Variants in CDYL observed in about 807,000 individuals in gnomAD.
CDYL encodes the protein chromodomain Y-like protein.
In CDYL, 8 loss-of-function variants were observed where a neutral mutation model predicts 47.3. The ratio of observed to expected loss-of-function variants is 0.17; its 90% CI spans 0.10 to 0.31. The LOEUF is 0.31. CDYL is among the 10% of genes least tolerant of loss of function. The pLI is 1.00. For missense variants in CDYL, 471 were observed against 701.4 expected, an observed-to-expected ratio of 0.67 and a Z score of 3.71; for synonymous variants, 266 against 265.0, an observed-to-expected ratio of 1.00 and a Z score of -0.04.
rs539642907 is a variant in CDYL, at chr6:4,865,565, G to A, written c.25-26148G>A. 2.8e-3 allele frequency among the ~76,000 whole-genome samples: 431 copies of A among 152,292 alleles called. 1 individual carries two copies. Among genetic ancestry groups the A allele is most frequent in the African/African-American group, 9.8e-3 (406 of 41,554 alleles). On this transcript the variant is annotated intron_variant, in intron 1 of 6. Coordinates refer to ENST00000397588, the MANE Select transcript of CDYL (RefSeq NM_004824.4). ...CAAGTAACAAGCATTTGTTTCTAAC[G>A]AAGAGTATAGAATGAAATGGTCAAA...
intron 5 of CDYL, among the ~76,000 whole-genome samples, chr6:4,946,840 C>T (rs1383814012): frequency 6.6e-6 from 1 of 152,196 alleles, no homozygotes; most frequent in Non-Finnish European, 1.5e-5. Context: ...CCCTCTGGCA[C>T]TGACCACAGG....
chr6:4,800,332 C>A (rs1027510818), intron 1 of CDYL, among the ~76,000 whole-genome samples: 2 of 152,080 alleles, frequency 1.3e-5, no homozygotes, highest in African/African-American at 4.8e-5. Context: ...AATATTGAAT[C>A]ACTTTGGATA....
chr6:4,918,460 G>A (rs956573418), intron 2 of CDYL, among the ~76,000 whole-genome samples: 7 of 151,758 alleles, frequency 4.6e-5, no homozygotes, highest in African/African-American at 1.7e-4. Flanking sequence ...ATTTTCAAAG[G>A]CTTTAAAAAG....
At chr6:4,827,342 A>G (rs1324276050) in intron 1 of CDYL, among the ~76,000 whole-genome samples, 2 of 152,074 alleles carry the variant, frequency 1.3e-5, no homozygotes, top group Non-Finnish European at 2.9e-5. Context: ...TCTGCCTTAT[A>G]CTTTTGTTCC....
At chr6:4,844,821 A>G (rs1302081229) in intron 1 of CDYL, among the ~76,000 whole-genome samples, 1 of 152,162 alleles carries the variant, frequency 6.6e-6, no homozygotes, top group African/African-American at 2.4e-5. Context: ...TTTTTTAATG[A>G]GATGTGAAGT....
intron 2 of CDYL, among the ~76,000 whole-genome samples, chr6:4,923,534 A>AGTGCAGATGCCTCTTTGAC (rs1186772487): frequency 6.6e-6 from 1 of 152,128 alleles, no homozygotes; most frequent in Non-Finnish European, 1.5e-5. Context: ...TAAACATGGG[A>AGTGCAGATGCCTCTTTGAC]GTGCAGATGC....
rs11966935 is a variant in CDYL at position 4,793,544 on chromosome 6, T to C, written c.24+16737T>C. Among the ~76,000 whole-genome samples, 627 of 152,288 alleles carry C rather than the reference T, an allele frequency of 4.1e-3. 1 individual carries two copies. The highest frequency in any genetic ancestry group is 0.014 in the African/African-American group (586 of 41,560). ...TAAGAAGTACTTTGAGTTTTATTTG[T>C]AGTAAGATGGGAAGCCATGAAGGAA... is the stretch of plus-strand genomic sequence containing the variant. On this transcript the variant is annotated intron_variant, in intron 1 of 6. Transcript: ENST00000397588.
intron 1 of CDYL, among the ~76,000 whole-genome samples, chr6:4,814,512 A>C (rs534739310): frequency 6.6e-6 from 1 of 152,140 alleles, no homozygotes; most frequent in East Asian, 1.9e-4. Flanking sequence ...TTACAGACAA[A>C]TTTAGTATTT....
At chr6:4,813,956 T>G (rs1317613337) in intron 1 of CDYL, among the ~76,000 whole-genome samples, 1 of 95,744 alleles carries the variant, frequency 1.0e-5, no homozygotes, top group African/African-American at 4.1e-5. Context: ...TTTTTTTTTT[T>G]GTAGAAACAG....
chr6:4,877,734 T>C (rs1431755686), intron 1 of CDYL, among the ~76,000 whole-genome samples: 1 of 152,234 alleles, frequency 6.6e-6, no homozygotes, highest in African/African-American at 2.4e-5. Context: ...TGTTGCTTTA[T>C]GATGTTATAT....
chr6:4,734,954 G>T, intron 3 of CDYL: 2 of 1,487,736 alleles, frequency 1.3e-6, no homozygotes, highest in Non-Finnish European at 1.8e-6. Flanking sequence ...CCTGTGCTTG[G>T]GTCCCTTTGG....
At chr6:4,877,790 A>T (rs1761659818) in intron 1 of CDYL, among the ~76,000 whole-genome samples, 1 of 152,168 alleles carries the variant, frequency 6.6e-6, no homozygotes, top group Non-Finnish European at 1.5e-5. Flanking sequence ...CTTTTTCAAG[A>T]TTGCTTTGGA....
chr6:4,726,152 T>C (rs11242978), intron 2 of CDYL, among the ~76,000 whole-genome samples: 22,102 of 152,068 alleles, frequency 0.15, 2,171 homozygotes, highest in African/African-American at 0.29. Flanking sequence ...GTGGCTCATG[T>C]CTGTAATCCC....
At chr6:4,943,508 A>C in intron 4 of CDYL, 38 bp from the exon 5 acceptor site, 1 of 1,378,850 alleles carries the variant, frequency 7.3e-7, no homozygotes, top group Non-Finnish European at 1.0e-6. Context: ...TCAAATATGC[A>C]ATGTTTTGAG....
At chr6:4,873,259 A>G (rs183105084) in intron 1 of CDYL, among the ~76,000 whole-genome samples, 8 of 152,322 alleles carry the variant, frequency 5.3e-5, no homozygotes, top group African/African-American at 1.9e-4. Context: ...CTTAGCATGA[A>G]TAAGTGGCTT....
chr6:4,933,838 T>G (rs1402292143), intron 2 of CDYL, among the ~76,000 whole-genome samples: 3 of 152,186 alleles, frequency 2.0e-5, no homozygotes, highest in Non-Finnish European at 4.4e-5. Context: ...TGTCACTGTG[T>G]TGTTGGTCAT....
intron 2 of CDYL, among the ~76,000 whole-genome samples, chr6:4,905,152 C>T (rs979255870): frequency 6.6e-6 from 1 of 152,098 alleles, no homozygotes; most frequent in Non-Finnish European, 1.5e-5. Context: ...ACCGTGTGTC[C>T]GTCTTACTGA....
intron 2 of CDYL, among the ~76,000 whole-genome samples, chr6:4,717,239 G>A (rs1488843599): frequency 2.6e-5 from 4 of 152,100 alleles, no homozygotes; most frequent in African/African-American, 7.2e-5. Flanking sequence ...TTGAGAAAGA[G>A]GTTATCCTCA....
chr6:4,788,254 C>T (rs542297125), intron 1 of CDYL, among the ~76,000 whole-genome samples: 1 of 151,896 alleles, frequency 6.6e-6, no homozygotes, highest in East Asian at 2.0e-4. Flanking sequence ...CTTCGGGAGG[C>T]CAAGGCAGGA....
Sources: allele counts gnomAD v4.1 joint callset (sites outside exome capture counted in the v4.1 genomes callset), GRCh38; gene constraint gnomAD v4.1.1; transcripts MANE v1.5; gene names NCBI Gene and HGNC (gene_info 2026-07-23, HGNC 2026-07-21).